The following BEST4 variants were observed in gnomAD, a reference collection of about 807,000 sequenced individuals.
BEST4 encodes bestrophin-4.
BEST4 carries 36 observed loss-of-function variants against 47.1 expected under a neutral mutation model. The observed-to-expected ratio is 0.76, with a 90% CI of 0.59 to 1.01. BEST4 has a LOEUF of 1.01. Among genes scored for constraint, BEST4 ranks in the 50% least tolerant of loss-of-function variants. The probability of loss-of-function intolerance (pLI) is 0.00; values close to 1 mark genes in which losing one functional copy is unlikely to be tolerated. For missense variants in BEST4, 550 were observed against 648.6 expected (o/e 0.85, Z 1.65); for synonymous variants, 250 against 277.8 (o/e 0.90, Z 1.00).
In BEST4 at chr1:44,786,675, ACCAC is replaced by A; in HGVS notation, c.265_268del (p.Val89Ter). On this transcript the variant is annotated frameshift_variant, in exon 3 of 9. Transcript: ENST00000372207. LOFTEE classifies it high-confidence loss of function. This position sits in a 1 kb window ranked among gnomAD's most constrained non-coding sequence, Gnocchi z 4.9. The stretch of plus-strand genomic sequence containing the variant: ...TGTGTACTGGGACCACCAGCGGTTC[ACCAC>A]GAGAGTCACATAGAAACCTGCTTGG... 6.4e-7 allele frequency: 1 copy of A among 1,551,244 alleles called. No individual in the cohort carries two copies. Among genetic ancestry groups the A allele is most frequent in the East Asian group, 2.4e-5 (1 of 40,900 alleles).
chr1:44,791,739 CT>C (rs1219739899), upstream of BEST4, among the ~76,000 whole-genome samples: 1 of 152,088 alleles, frequency 6.6e-6, no homozygotes, highest in African/African-American at 2.4e-5. Flanking sequence ...CCTGCCCCAC[CT>C]TTCCTTATCC....
At chr1:44,791,438 C>T (rs370372631), upstream of BEST4, among the ~76,000 whole-genome samples, 1 of 151,940 alleles carries the variant, frequency 6.6e-6, no homozygotes, top group African/African-American at 2.4e-5. Flanking sequence ...GAGCTCAGGC[C>T]GTGTCTCCCT....
chr1:44,789,284 G>GAAAAA (rs889792371), upstream of BEST4, among the ~76,000 whole-genome samples: 10 of 143,126 alleles, frequency 7.0e-5, no homozygotes, highest in Non-Finnish European at 1.5e-4. Flanking sequence ...AAAAGAAAAA[G>GAAAAA]AAAAAGAAAT....
chr1:44,792,577 C>T (rs1202201390), upstream of BEST4, among the ~76,000 whole-genome samples: 1 of 152,096 alleles, frequency 6.6e-6, no homozygotes, highest in Non-Finnish European at 1.5e-5. Flanking sequence ...ATCAGCACAT[C>T]TCTTATTTCA....
Position 44,786,736 on chromosome 1 carries a change from T to C in BEST4, c.248-40A>G, listed in dbSNP as rs1289603745. 4 of 1,483,134 alleles carry C rather than the reference T, an allele frequency of 2.7e-6. No individual in the cohort carries two copies. Among genetic ancestry groups the C allele is most frequent in the Non-Finnish European group, 3.7e-6 (4 of 1,093,446 alleles). The allele number at this position is 1,483,134 out of a possible 1,614,324, so 91.9% of individuals were successfully genotyped here. On this transcript the variant is annotated intron_variant, in intron 2 of 8. Transcript: ENST00000372207. This position sits in a 1 kb window ranked among gnomAD's most constrained non-coding sequence, Gnocchi z 4.9. ...TGATAGAGGGAGTAGGAAGGGAGAGTGGAGAGCCTGGGGGTCGGAGCGCCT... is the reference window on the plus strand; with the variant it reads ...TGATAGAGGGAGTAGGAAGGGAGAGCGGAGAGCCTGGGGGTCGGAGCGCCT...
Position 44,786,276 on chromosome 1 carries a change from G to A in BEST4, c.482-48C>T. The stretch of plus-strand genomic sequence containing the variant: ...GTGCAGTTGCACCCTCTGCCGCCAG[G>A]GGAGGCTGCTGTTCCGCCGTCTGGC... On this transcript the variant is annotated intron_variant, in intron 3 of 8. Transcript: ENST00000372207. The surrounding 1 kb of genome is among the most constrained non-coding windows in gnomAD (Gnocchi z 4.9). 1 of 1,556,704 alleles carries A rather than the reference G, an allele frequency of 6.4e-7. No individual in the cohort carries two copies. Among genetic ancestry groups the A allele is most frequent in the East Asian group, 2.3e-5 (1 of 44,278 alleles).
chr1:44,782,597 T>C (rs1194988488), downstream of BEST4, among the ~76,000 whole-genome samples: 3 of 151,942 alleles, frequency 2.0e-5, no homozygotes, highest in African/African-American at 7.2e-5. Flanking sequence ...GCCATTGCAC[T>C]CCAGCCTGGG....
chr1:44,782,236 A>G (rs954295643), downstream of BEST4, among the ~76,000 whole-genome samples: 2 of 76,042 alleles, frequency 2.6e-5, no homozygotes, highest in African/African-American at 9.6e-5. Context: ...AAAGCTGCAG[A>G]AAAAAAAAAA....
chr1:44,783,459 C>T (rs1651100913), downstream of BEST4: 2 of 152,172 alleles, frequency 1.3e-5, no homozygotes, highest in Admixed American at 1.3e-4. Flanking sequence ...TAATCAGCCT[C>T]CAAGACAGAT....
intron 5 of BEST4, 88 bp downstream of exon 5, chr1:44,785,511 G>A (rs1573597850): frequency 7.4e-7 from 1 of 1,358,244 alleles, no homozygotes; most frequent in Non-Finnish European, 1.0e-6. Flanking sequence ...GAAATGGCCA[G>A]GCAAGTACCA....
chr1:44,789,110 G>A (rs571794572), upstream of BEST4, among the ~76,000 whole-genome samples: 6 of 151,884 alleles, frequency 4.0e-5, no homozygotes, highest in African/African-American at 1.4e-4. Context: ...ACAAAAATTA[G>A]CCGGGTGTGG....
chr1:44,790,623 G>T (rs1275229234), upstream of BEST4, among the ~76,000 whole-genome samples: 4 of 152,152 alleles, frequency 2.6e-5, no homozygotes, highest in Admixed American at 2.0e-4. Flanking sequence ...GATTCATCTA[G>T]GTAAAGCTAG....
Position 44,786,139 on chromosome 1 carries a change from G to C in BEST4, c.571C>G (p.Leu191Val). 1 of 1,614,106 alleles carries C rather than the reference G, an allele frequency of 6.2e-7. No homozygotes were observed. Among genetic ancestry groups the C allele is most frequent in the Non-Finnish European group, 8.5e-7 (1 of 1,179,980 alleles). ...CCGTCCCTCCGGGCCTGGGCCGCCAGGTTGGTGAACCAGACGCAGGGGACC... is the reference window on the plus strand; with the variant it reads ...CCGTCCCTCCGGGCCTGGGCCGCCACGTTGGTGAACCAGACGCAGGGGACC... ...YWVPCVWFTN[L>V]AAQARRDGRI... is the part of the protein sequence containing the mutation. The change falls in exon 4 of 9, where the codon CTG becomes GTG. Residue 191 changes from leucine to valine, a missense_variant. Physicochemically the swap from Leu to Val is conservative, Grantham distance 32. Transcript: ENST00000372207. The surrounding 1 kb of genome is among the most constrained non-coding windows in gnomAD (Gnocchi z 4.9).
chr1:44,789,488 C>T (rs1651354741), upstream of BEST4, among the ~76,000 whole-genome samples: 1 of 151,192 alleles, frequency 6.6e-6, no homozygotes, highest in African/African-American at 2.4e-5. Flanking sequence ...CACCTGAGGT[C>T]GGGAGTTCGA....
At position 44,784,965 on chromosome 1, in the gene BEST4, G is replaced by A. The variant is rs1300534821; in HGVS notation, c.933C>T (p.Asn311=). The change falls in exon 7 of 9, where the codon AAC becomes AAT. Residue 311 remains asparagine, a synonymous_variant. Coordinates refer to ENST00000372207, the MANE Select transcript of BEST4 (RefSeq NM_153274.3). The surrounding 1 kb of genome is among the most constrained non-coding windows in gnomAD (Gnocchi z 6.2). The part of the protein sequence containing the change: ...GWLKVAEQII[N]PFGEDDDDFE... ...AGTCGTCATCATCCTCACCAAATGG[G>A]TTGATGATCTGTTCAGCCACCTATA... The A allele has an allele frequency of 6.2e-7, 1 of 1,614,132 alleles. No individual in the cohort carries two copies. The highest frequency in any genetic ancestry group is 8.5e-7 in the Non-Finnish European group (1 of 1,180,040).
chr1:44,784,742 G>C lies in BEST4; in HGVS notation c.1035C>G (p.Pro345=). The C allele has an allele frequency of 1.2e-6, 2 of 1,602,830 alleles. No homozygotes were observed. Among genetic ancestry groups the C allele is most frequent in the Non-Finnish European group, 1.7e-6 (2 of 1,173,912 alleles). The change falls in exon 8 of 9, where the codon CCC becomes CCG. Residue 345 remains proline (P), a synonymous_variant. Coordinates refer to ENST00000372207, the MANE Select transcript of BEST4 (RefSeq NM_153274.3). The surrounding 1 kb of genome is among the most constrained non-coding windows in gnomAD (Gnocchi z 6.2). ...CCCAGTACTGGTCCTTCTCAGCGGG[G>C]GGAAGGTTCTGGTACATTTCGTCCA... ...LSVDEMYQNL[P]PAEKDQYWDE... is the part of the protein sequence containing the mutation.
At chr1:44,783,335 G>A (rs766150779), downstream of BEST4, among the ~76,000 whole-genome samples, 2 of 151,970 alleles carry the variant, frequency 1.3e-5, no homozygotes, top group African/African-American at 4.8e-5. Context: ...GCTTCTACCC[G>A]TAAACTGTAC....
At chr1:44,785,948 G>C (rs972682415) in intron 4 of BEST4, 126 bp downstream of exon 4, 4 of 1,215,702 alleles carry the variant, frequency 3.3e-6, no homozygotes, top group Non-Finnish European at 4.6e-6. Context: ...AGTTAACATG[G>C]GTACAGGGCT....
At position 44,787,422 on chromosome 1, in the gene BEST4, G is replaced by T. The variant is rs1228567414; in HGVS notation, c.197C>A (p.Ala66Asp). Reference sequence around the variant, plus strand: ...GTCTGCTGAGCGGTTGCAGTACCGGGCCACCTGAGCATACACGTACCTCTG... The same window carrying T: ...GTCTGCTGAGCGGTTGCAGTACCGGTCCACCTGAGCATACACGTACCTCTG... ...QEQRYVYAQV[A>D]RYCNRSADLI... Residue 66 changes from alanine to aspartate, a missense_variant, in exon 2 of 9, where the codon GCC (alanine) becomes GAC (aspartate). Ala to Asp is a moderately radical substitution (Grantham distance 126). Around this residue, in one of 3 missense-constraint regions of BEST4, gnomAD observed 291 missense variants for 342.4 expected, o/e 0.85. Coordinates refer to ENST00000372207, the MANE Select transcript of BEST4 (RefSeq NM_153274.3). 6.2e-7 allele frequency: 1 copy of T among 1,614,018 alleles called. No homozygotes were observed. The highest frequency in any genetic ancestry group is 8.5e-7 in the Non-Finnish European group (1 of 1,180,020).
Sources: gnomAD v4.1 joint callset for allele counts (sites outside exome capture counted in the v4.1 genomes callset) on GRCh38, gnomAD v4.1.1 for gene constraint, gnomAD v4.1.1 regional missense constraint, Gnocchi (gnomAD v3.1) non-coding constraint, MANE v1.5 for transcripts, NCBI Gene and HGNC (gene_info 2026-07-23, HGNC 2026-07-21) for gene names.